CLK4: variants seen among roughly 807,000 people sequenced by gnomAD.
The protein encoded by CLK4 is CDC like kinase 4.
A neutral mutation model predicts 64.4 loss-of-function variants in CLK4; 37 were observed. That is an observed-to-expected ratio of 0.57 (90% CI 0.44 to 0.76). The LOEUF is 0.76. Among genes scored for constraint, CLK4 ranks in the 30% least tolerant of loss-of-function variants. CLK4 has a pLI of 0.00. For missense variants in CLK4, 457 were observed against 605.1 expected, an observed-to-expected ratio of 0.76 and a Z score of 2.57; for synonymous variants, 175 against 191.6, an observed-to-expected ratio of 0.91 and a Z score of 0.72.
chr5:178,625,399 T>A (rs1348427221), intron 1 of CLK4, among the ~76,000 whole-genome samples: 1 of 135,140 alleles, frequency 7.4e-6, no homozygotes, highest in Non-Finnish European at 1.5e-5. Context: ...CATACCAGTA[T>A]GGGCGACAGT....
chr5:178,607,659 C>T (rs184779355), intron 10 of CLK4, among the ~76,000 whole-genome samples: 13 of 151,846 alleles, frequency 8.6e-5, no homozygotes, highest in African/African-American at 2.2e-4. Flanking sequence ...TACAGGCGCC[C>T]GCCACCACGC....
intron 1 of CLK4, among the ~76,000 whole-genome samples, chr5:178,626,191 A>T (rs1414535696): frequency 6.6e-6 from 1 of 152,204 alleles, no homozygotes; most frequent in African/African-American, 2.4e-5. Context: ...AAAAAGCACA[A>T]TCGCACAGGA....
intron 9 of CLK4, 102 bp from the exon 10 acceptor site, chr5:178,608,560 G>T: frequency 1.3e-6 from 1 of 743,896 alleles, no homozygotes; most frequent in Non-Finnish European, 2.2e-6. Context: ...GAACCCATTT[G>T]GGAGAATAAG....
Position 178,603,652 on chromosome 5 carries a change from G to T in CLK4, c.1411C>A (p.Gln471Lys). Residue 471 changes from glutamine (Q) to lysine (K), a missense_variant, in exon 13 of 13, where the codon CAG becomes AAG. By Grantham distance (53) the Gln-to-Lys change is moderately conservative. Transcript: ENST00000316308. ...TTTAATAAGTCAAAGAAAGGATGCT[G>T]CAATGCTTCATCCAAGGTAATTCTT... ...TQRITLDEAL[Q>K]HPFFDLLKKK 1 of 1,595,994 alleles carries T rather than the reference G, an allele frequency of 6.3e-7. No homozygotes were observed. Among genetic ancestry groups the T allele is most frequent in the Non-Finnish European group, 8.5e-7 (1 of 1,174,930 alleles).
At chr5:178,621,606 A>T (rs1259943385) in intron 2 of CLK4, among the ~76,000 whole-genome samples, 1 of 152,208 alleles carries the variant, frequency 6.6e-6, no homozygotes, top group Non-Finnish European at 1.5e-5. Flanking sequence ...TAGAAATTTA[A>T]AAATTCAGTT....
In CLK4 at chr5:178,613,840, A is replaced by G; in HGVS notation, c.546T>C (p.Asp182=). 1 of 1,608,768 alleles carries G rather than the reference A, an allele frequency of 6.2e-7. No homozygotes were observed. The highest frequency in any genetic ancestry group is 8.5e-7 in the Non-Finnish European group (1 of 1,175,368). ...KVVECIDHGM[D]GMHVAVKIVK... ...CGATTTTCACTGCTACATGCATGCCATCCCTTAAAAATAAAATTAAGATAA... is the reference window on the plus strand; with the variant it reads ...CGATTTTCACTGCTACATGCATGCCGTCCCTTAAAAATAAAATTAAGATAA... The change falls in exon 6 of 13, where the codon GAT becomes GAC. Residue 182 remains aspartate (D), a synonymous_variant. Transcript: ENST00000316308.
rs368747027 is a variant in CLK4 at position 178,603,706 on chromosome 5, G to A, written c.1357C>T (p.Arg453Ter). 5.6e-6 allele frequency: 9 copies of A among 1,605,766 alleles called. No homozygotes were observed. Among genetic ancestry groups the A allele is most frequent in the East Asian group, 4.5e-5 (2 of 44,758 alleles). ...GTTGGATCATATTCTAACATTCTTCGAACCAGGTCAAACAGTTTCTCATGT... is the reference window on the plus strand; with the variant it reads ...GTTGGATCATATTCTAACATTCTTCAAACCAGGTCAAACAGTTTCTCATGT... ...EEHEKLFDLVRRMLEYDPTQR... is the reference protein window; with the variant it reads ...EEHEKLFDLV Residue 453 changes from arginine (R) to a stop codon, truncating the protein, a stop_gained, in exon 13 of 13, where the codon CGA (arginine) becomes TGA (stop). Transcript: ENST00000316308. LOFTEE classifies it high-confidence loss of function.
At chr5:178,620,078 A>C (rs138244669) in intron 2 of CLK4, 119 of 337,916 alleles carry the variant, frequency 3.5e-4, no homozygotes, top group African/African-American at 2.5e-3. Context: ...CTTTACAACT[A>C]CTACCCAATA....
At chr5:178,624,117 T>C (rs1764747849) in intron 1 of CLK4, among the ~76,000 whole-genome samples, 1 of 152,200 alleles carries the variant, frequency 6.6e-6, no homozygotes, top group African/African-American at 2.4e-5. Flanking sequence ...TCAGAATGAC[T>C]CTAAGCTTTG....
chr5:178,609,703 T>C (rs1213783180), intron 9 of CLK4, among the ~76,000 whole-genome samples: 4 of 121,562 alleles, frequency 3.3e-5, no homozygotes, highest in African/African-American at 1.2e-4. Context: ...AATAAACAAA[T>C]AACAAAAATA....
chr5:178,620,637 G>A (rs752404806), intron 2 of CLK4: 3 of 453,864 alleles, frequency 6.6e-6, no homozygotes, highest in Non-Finnish European at 1.3e-5. Context: ...CAAGACGGAT[G>A]AGGGTAAGGG....
At chr5:178,620,829 A>G (rs1456091188) in intron 2 of CLK4, among the ~76,000 whole-genome samples, 4 of 152,240 alleles carry the variant, frequency 2.6e-5, no homozygotes. Flanking sequence ...GAGATGGGGG[A>G]AAAAATCTGT....
At chr5:178,609,852 T>C (rs1157784533) in intron 9 of CLK4, among the ~76,000 whole-genome samples, 1 of 150,948 alleles carries the variant, frequency 6.6e-6, no homozygotes, top group Non-Finnish European at 1.5e-5. Flanking sequence ...GAGGTTGCAG[T>C]GAGCTGAGAT....
chr5:178,622,351 A>C, intron 2 of CLK4: 6 of 842,990 alleles, frequency 7.1e-6, no homozygotes, highest in Non-Finnish European at 8.6e-6. Flanking sequence ...GCTGTTTGGC[A>C]GAACAAGTCT....
Position 178,616,869 on chromosome 5 carries a change from A to G in CLK4, c.542+13T>C, listed in dbSNP as rs1397411595. 1.3e-6 allele frequency: 2 copies of G among 1,598,604 alleles called. No homozygotes were observed. Among genetic ancestry groups the G allele is most frequent in the African/African-American group, 1.3e-5 (1 of 74,524 alleles). ...AAACATCAGAATGTTTGAAAAGGAA[A>G]AAACAAACTTACATGCCATGATCAA... On this transcript the variant is annotated intron_variant, in intron 5 of 12. Coordinates refer to ENST00000316308, the MANE Select transcript of CLK4 (RefSeq NM_020666.3).
At chr5:178,607,732 G>C (rs1036698315) in intron 10 of CLK4, among the ~76,000 whole-genome samples, 3 of 151,540 alleles carry the variant, frequency 2.0e-5, no homozygotes, top group Non-Finnish European at 4.4e-5. Flanking sequence ...GGATGGTCTC[G>C]ATCTCCTGAC....
chr5:178,610,809 C>T (rs1764546809), intron 9 of CLK4, among the ~76,000 whole-genome samples: 2 of 151,856 alleles, frequency 1.3e-5, no homozygotes, highest in African/African-American at 4.8e-5. Flanking sequence ...CGGTGGCTCA[C>T]GCCTGTAATC....
At chr5:178,624,664 A>G (rs142639126) in intron 1 of CLK4, among the ~76,000 whole-genome samples, 19 of 152,370 alleles carry the variant, frequency 1.2e-4, no homozygotes, top group African/African-American at 4.6e-4. Flanking sequence ...GGGTGAGTTT[A>G]AATGGTAAAA....
At chr5:178,614,930 C>G (rs993940974) in intron 5 of CLK4, among the ~76,000 whole-genome samples, 1 of 152,104 alleles carries the variant, frequency 6.6e-6, no homozygotes, top group Non-Finnish European at 1.5e-5. Flanking sequence ...GTGCTTGTAT[C>G]CACGAAAATG....
Sources: gnomAD v4.1 joint callset for allele counts (sites outside exome capture counted in the v4.1 genomes callset) on GRCh38, gnomAD v4.1.1 for gene constraint, MANE v1.5 for transcripts, NCBI Gene and HGNC (gene_info 2026-07-23, HGNC 2026-07-21) for gene names.